HMCN1: variants seen among roughly 807,000 people sequenced by gnomAD.
The protein encoded by HMCN1 is hemicentin 1.
Under a neutral mutation model 625.9 loss-of-function variants are expected in HMCN1, and 321 were observed. The ratio of observed to expected loss-of-function variants is 0.51; its 90% CI spans 0.47 to 0.56. HMCN1 has a LOEUF of 0.56. HMCN1 is among the 20% of genes least tolerant of loss of function. The pLI is 0.00. For synonymous variants in HMCN1, 2,425 were observed against 2,417.6 expected, an observed-to-expected ratio of 1.00 and a Z score of -0.09; for missense variants, 6,588 against 6,887.3, an observed-to-expected ratio of 0.96 and a Z score of 1.54.
intron 86 of HMCN1, among the ~76,000 whole-genome samples, chr1:186,133,171 C>T (rs1375603269): frequency 6.6e-6 from 1 of 151,930 alleles, no homozygotes; most frequent in Admixed American, 6.6e-5. Context: ...TGGGTATATA[C>T]CCAAAAGATT....
At chr1:185,738,590 C>T (rs1653757369) in intron 1 of HMCN1, among the ~76,000 whole-genome samples, 1 of 152,134 alleles carries the variant, frequency 6.6e-6, no homozygotes, top group African/African-American at 2.4e-5. Context: ...AGTGGAATTG[C>T]TGGGTCATAG....
chr1:185,855,627 T>G (rs1283859933), intron 2 of HMCN1, among the ~76,000 whole-genome samples: 1 of 152,178 alleles, frequency 6.6e-6, no homozygotes, highest in Non-Finnish European at 1.5e-5. Flanking sequence ...AAACTGAACC[T>G]TCTCCAAAGA....
rs909524624 is a variant in HMCN1 at position 185,970,929 on chromosome 1, G to A, written c.2371+436G>A. Among the ~76,000 whole-genome samples the A allele has an allele frequency of 2.0e-5, 3 of 152,098 alleles. No homozygotes were observed. In the South Asian group the frequency reaches 6.2e-4, roughly 32 times the overall value. On this transcript the variant is annotated intron_variant, in intron 15 of 106. Coordinates refer to ENST00000271588, the MANE Select transcript of HMCN1 (RefSeq NM_031935.3). ...CCCACCTCAGCCTCCCAAAGTGCTG[G>A]GATTACAGCCATGAGCCACCACACT... is the stretch of plus-strand genomic sequence containing the variant.
In HMCN1 at chr1:186,190,826, A is replaced by T. The variant is rs1653684392; in HGVS notation, c.*948A>T. The T allele has an allele frequency of 1.6e-5, 3 of 192,390 alleles. No homozygotes were observed. The highest frequency in any genetic ancestry group is 1.9e-4 in the South Asian group (1 of 5,192). The allele number at this position is 192,390 out of a possible 1,614,324, so 11.9% of individuals were successfully genotyped here. A position where few individuals can be genotyped will look rare whatever the true frequency, so the allele number is the denominator to read the frequency against. On this transcript the variant is annotated 3_prime_UTR_variant, in exon 107 of 107. Transcript: ENST00000271588. Reference sequence around the variant, plus strand: ...TGTATTCTATTTTTATGAAGTGTATATATATTACCTTAGTGTGCATTTTCT... The same window carrying T: ...TGTATTCTATTTTTATGAAGTGTATTTATATTACCTTAGTGTGCATTTTCT...
At chr1:185,850,068 C>T (rs1297591860) in intron 2 of HMCN1, among the ~76,000 whole-genome samples, 1 of 152,118 alleles carries the variant, frequency 6.6e-6, no homozygotes. Flanking sequence ...ACCCTTATTG[C>T]ACTGAGTTCC....
At chr1:185,955,785 C>T (rs1426414528) in intron 11 of HMCN1, among the ~76,000 whole-genome samples, 2 of 152,108 alleles carry the variant, frequency 1.3e-5, no homozygotes, top group Non-Finnish European at 2.9e-5. Flanking sequence ...TCCATTACAC[C>T]TTCAAAGGTG....
intron 93 of HMCN1, among the ~76,000 whole-genome samples, chr1:186,146,698 C>T (rs1650337867): frequency 1.3e-5 from 2 of 152,286 alleles, no homozygotes; most frequent in South Asian, 2.1e-4. Flanking sequence ...CCACTACCAT[C>T]AACAACTGTT....
At chr1:185,988,038 T>C (rs1303934256) in intron 20 of HMCN1, among the ~76,000 whole-genome samples, 11 of 152,168 alleles carry the variant, frequency 7.2e-5, no homozygotes, top group Non-Finnish European at 2.9e-5. Flanking sequence ...ACACAGGTTA[T>C]GCTACGGACG....
At chr1:186,105,551 T>C (rs1029287909) in intron 69 of HMCN1, among the ~76,000 whole-genome samples, 1 of 152,232 alleles carries the variant, frequency 6.6e-6, no homozygotes, top group Non-Finnish European at 1.5e-5. Context: ...GGGACCACTC[T>C]ATGACTAATA....
At chr1:185,885,684 A>C (rs1664601938) in intron 4 of HMCN1, among the ~76,000 whole-genome samples, 1 of 152,058 alleles carries the variant, frequency 6.6e-6, no homozygotes, top group African/African-American at 2.4e-5. Flanking sequence ...TATGTCTATA[A>C]CTAGGTGAAT....
rs967469268 is a variant in HMCN1 at position 186,076,635 on chromosome 1, A to G, written c.8485+13A>G. 3.1e-6 allele frequency: 5 copies of G among 1,610,034 alleles called. No homozygotes were observed. Among genetic ancestry groups the G allele is most frequent in the Non-Finnish European group, 4.2e-6 (5 of 1,178,184 alleles). On this transcript the variant is annotated intron_variant, in intron 54 of 106. Transcript: ENST00000271588. ...TTGATTTTGCCAGGTAAAGATTGATACCAACAGGGTGAAAAGCTGACTCTC... is the reference window on the plus strand; with the variant it reads ...TTGATTTTGCCAGGTAAAGATTGATGCCAACAGGGTGAAAAGCTGACTCTC...
chr1:186,155,479 A>G (rs1286937943), intron 97 of HMCN1, among the ~76,000 whole-genome samples: 1 of 152,124 alleles, frequency 6.6e-6, no homozygotes. Flanking sequence ...TCAGTACTCC[A>G]TCTAATTTAA....
chr1:185,857,416 G>A (rs181375194), intron 2 of HMCN1, among the ~76,000 whole-genome samples: 1 of 152,022 alleles, frequency 6.6e-6, no homozygotes, highest in African/African-American at 2.4e-5. Context: ...TATTTAGGGA[G>A]CTGTCTAATT....
chr1:186,104,368 G>A (rs1282085697), intron 69 of HMCN1, among the ~76,000 whole-genome samples: 1 of 152,154 alleles, frequency 6.6e-6, no homozygotes, highest in Non-Finnish European at 1.5e-5. Flanking sequence ...CAGGCATGTA[G>A]TAAATGCTTT....
Position 186,074,843 on chromosome 1 carries a change from T to A in HMCN1, c.8242T>A (p.Ser2748Thr), listed in dbSNP as rs1326419643. 6.2e-7 allele frequency: 1 copy of A among 1,613,042 alleles called. No individual in the cohort carries two copies. Among genetic ancestry groups the A allele is most frequent in the African/African-American group, 1.3e-5 (1 of 74,880 alleles). ...SDTGRYTCVA[S>T]NIAGEDELDF... ...CACCGGACGATATACTTGTGTAGCA[T>A]CTAACATTGCAGGTGAAGATGAGTT... is the stretch of plus-strand genomic sequence containing the variant. Residue 2748 changes from serine (S) to threonine (T), a missense_variant, in exon 53 of 107, where the codon TCT (serine) becomes ACT (threonine). Ser to Thr is a moderately conservative substitution (Grantham distance 58). Coordinates refer to ENST00000271588, the MANE Select transcript of HMCN1 (RefSeq NM_031935.3).
intron 1 of HMCN1, among the ~76,000 whole-genome samples, chr1:185,772,272 T>A (rs1571328438): frequency 6.6e-6 from 1 of 152,130 alleles, no homozygotes; most frequent in Admixed American, 6.6e-5. Flanking sequence ...AGGGAGTGAT[T>A]AGACCAGATT....
intron 11 of HMCN1, among the ~76,000 whole-genome samples, chr1:185,937,886 A>T (rs948810854): frequency 9.6e-6 from 1 of 104,018 alleles, no homozygotes; most frequent in Non-Finnish European, 1.7e-5. Context: ...ATCTCAAAAT[A>T]ATAATAATAA....
intron 11 of HMCN1, chr1:185,957,172 G>A (rs1455686905): frequency 1.3e-5 from 2 of 152,142 alleles, no homozygotes; most frequent in Non-Finnish European, 2.9e-5. Context: ...TCCAGCACAA[G>A]CCAGCATATT....
intron 70 of HMCN1, among the ~76,000 whole-genome samples, 164 bp from the exon 71 acceptor site, chr1:186,108,297 G>A (rs1660717065): frequency 6.6e-6 from 1 of 151,024 alleles, no homozygotes. Flanking sequence ...GCTAAATAAG[G>A]TTAAAAAAAA....
Sources: allele counts gnomAD v4.1 joint callset (sites outside exome capture counted in the v4.1 genomes callset), GRCh38; gene constraint gnomAD v4.1.1; transcripts MANE v1.5; gene names NCBI Gene and HGNC (gene_info 2026-07-23, HGNC 2026-07-21).